The following DPP10 variants were observed in gnomAD, a reference collection of about 807,000 sequenced individuals.
DPP10 encodes dipeptidyl peptidase like 10.
A neutral mutation model predicts 120.9 loss-of-function variants in DPP10; 33 were observed. The ratio of observed to expected loss-of-function variants is 0.27; its 90% CI spans 0.21 to 0.37. The LOEUF (loss-of-function observed/expected upper bound fraction) is 0.37, where lower values mean the gene tolerates loss of function less well. DPP10 is among the 10% of genes least tolerant of loss of function. DPP10 has a pLI of 1.00. For synonymous variants in DPP10, 337 were observed against 326.1 expected (o/e 1.03, Z -0.36); for missense variants, 816 against 942.8 (o/e 0.87, Z 1.76).
intron 1 of DPP10, among the ~76,000 whole-genome samples, chr2:115,093,935 CA>C (rs1369661279): frequency 2.0e-5 from 3 of 151,818 alleles, no homozygotes; most frequent in Admixed American, 6.6e-5. Context: ...TTTTTGTGTC[CA>C]TGAGACATAC....
rs1018006988 is a variant in DPP10 at position 115,353,028 on chromosome 2, A to G, written c.271+9116A>G. On this transcript the variant is annotated intron_variant, in intron 3 of 25. Coordinates refer to ENST00000410059, the MANE Select transcript of DPP10 (RefSeq NM_020868.6). ...ACATGTTCAAAAAAAAAATATAATT[A>G]TGGTACCCAGAGACTATAGAAACTA... 9.9e-5 allele frequency among the ~76,000 whole-genome samples: 15 copies of G among 152,196 alleles called. 1 individual carries two copies. The highest frequency in any genetic ancestry group is 3.4e-4 in the African/African-American group (14 of 41,550).
chr2:115,769,117 A>G (rs1681149722), intron 13 of DPP10, among the ~76,000 whole-genome samples: 1 of 152,096 alleles, frequency 6.6e-6, no homozygotes, highest in Admixed American at 6.6e-5. Context: ...AAGAGCAAGC[A>G]TACATGAGAA....
At chr2:115,479,880 A>G (rs1339476228) in intron 3 of DPP10, among the ~76,000 whole-genome samples, 1 of 152,172 alleles carries the variant, frequency 6.6e-6, no homozygotes, top group African/African-American at 2.4e-5. Context: ...TGACACTGAC[A>G]AGGCTGAAAG....
At chr2:114,824,579 C>T (rs1399482294) in intron 1 of DPP10, among the ~76,000 whole-genome samples, 1 of 151,468 alleles carries the variant, frequency 6.6e-6, no homozygotes, top group Non-Finnish European at 1.5e-5. Flanking sequence ...TTGTTCATTT[C>T]AGATATTTGG....
chr2:115,410,730 G>A (rs2068889522), intron 3 of DPP10, among the ~76,000 whole-genome samples: 1 of 152,192 alleles, frequency 6.6e-6, no homozygotes, highest in African/African-American at 2.4e-5. Flanking sequence ...CACTGCTCAA[G>A]TGATGTGTGC....
At chr2:114,696,956 T>A (rs1700103695) in intron 1 of DPP10, among the ~76,000 whole-genome samples, 1 of 152,114 alleles carries the variant, frequency 6.6e-6, no homozygotes, top group South Asian at 2.1e-4. Flanking sequence ...TCATAGGATT[T>A]GAAGGATCAA....
chr2:114,716,943 T>A (rs1285083139), intron 1 of DPP10, among the ~76,000 whole-genome samples: 1 of 152,176 alleles, frequency 6.6e-6, no homozygotes, highest in Admixed American at 6.5e-5. Flanking sequence ...TCTTCAAATA[T>A]AAGACGTACA....
chr2:115,815,768 A>G (rs1687159846), intron 21 of DPP10, 39 bp downstream of exon 21: 2 of 1,556,528 alleles, frequency 1.3e-6, no homozygotes, highest in African/African-American at 1.4e-5. Flanking sequence ...TTTTATGCGT[A>G]TCTATGTTAT....
chr2:115,304,717 C>T (rs1229173884), intron 1 of DPP10, among the ~76,000 whole-genome samples: 1 of 152,032 alleles, frequency 6.6e-6, no homozygotes, highest in African/African-American at 2.4e-5. Flanking sequence ...GTATCCTTTA[C>T]TTCCTTATGA....
chr2:115,156,073 A>C (rs2051888774), intron 1 of DPP10, among the ~76,000 whole-genome samples: 1 of 152,266 alleles, frequency 6.6e-6, no homozygotes, highest in Non-Finnish European at 1.5e-5. Context: ...AGACAGATGA[A>C]TATAACAAGG....
At chr2:115,359,940 TA>T (rs1225672124) in intron 3 of DPP10, among the ~76,000 whole-genome samples, 1 of 152,210 alleles carries the variant, frequency 6.6e-6, no homozygotes, top group Non-Finnish European at 1.5e-5. Context: ...ATTTCTCTAG[TA>T]AGTTTCTCAA....
At chr2:114,991,317 T>C (rs574882420) in intron 1 of DPP10, among the ~76,000 whole-genome samples, 9 of 152,140 alleles carry the variant, frequency 5.9e-5, no homozygotes, top group Non-Finnish European at 1.2e-4. Context: ...TTCAGGAGGA[T>C]CCACACCAGT....
intron 1 of DPP10, among the ~76,000 whole-genome samples, chr2:114,739,823 A>G (rs1019016304): frequency 3.3e-5 from 5 of 152,160 alleles, no homozygotes; most frequent in African/African-American, 4.8e-5. Flanking sequence ...AAGGAGTGGA[A>G]GGTAACCCAG....
intron 7 of DPP10, among the ~76,000 whole-genome samples, chr2:115,726,444 T>C (rs2092767085): frequency 6.6e-6 from 1 of 152,154 alleles, no homozygotes; most frequent in Non-Finnish European, 1.5e-5. Context: ...GTGTGAGCCT[T>C]ATTCACATTT....
intron 1 of DPP10, among the ~76,000 whole-genome samples, chr2:114,902,949 C>T (rs918601111): frequency 6.6e-6 from 1 of 152,130 alleles, no homozygotes; most frequent in Admixed American, 6.5e-5. Flanking sequence ...CTGTGTTCCA[C>T]GAGTTATCCC....
At chr2:115,271,809 A>G (rs1038466164) in intron 1 of DPP10, among the ~76,000 whole-genome samples, 6 of 152,118 alleles carry the variant, frequency 3.9e-5, no homozygotes, top group African/African-American at 9.7e-5. Context: ...AAAACTTGAC[A>G]AATATTCTAA....
chr2:115,763,949 T>G (rs909617484), intron 12 of DPP10, among the ~76,000 whole-genome samples: 2 of 152,144 alleles, frequency 1.3e-5, no homozygotes, highest in Non-Finnish European at 2.9e-5. Flanking sequence ...TGCCCTTCCT[T>G]CTGAACAAAA....
intron 1 of DPP10, among the ~76,000 whole-genome samples, chr2:114,477,254 A>G (rs955411698): frequency 2.0e-5 from 3 of 152,038 alleles, no homozygotes; most frequent in Non-Finnish European, 1.5e-5. Flanking sequence ...CACTGCACCC[A>G]GCCAAAAATG....
rs80310757 is a variant in DPP10, at chr2:114,546,204, G to A, written c.60+103366G>A. Among the ~76,000 whole-genome samples the A allele has an allele frequency of 1.9e-4, 29 of 152,158 alleles. No individual in the cohort carries two copies. The East Asian group carries it at 4.8e-3, about 25-fold the overall frequency. On this transcript the variant is annotated intron_variant, in intron 1 of 25. Coordinates refer to ENST00000410059, the MANE Select transcript of DPP10 (RefSeq NM_020868.6). ...TAATTGGCTCACAGTTCTGCAGACC[G>A]TGCAGGAAGCATGATGCTGGCATCT...
Sources: gnomAD v4.1 joint callset for allele counts (sites outside exome capture counted in the v4.1 genomes callset) on GRCh38, gnomAD v4.1.1 for gene constraint, MANE v1.5 for transcripts, NCBI Gene and HGNC (gene_info 2026-07-23, HGNC 2026-07-21) for gene names.